GALNTL6: variants seen among roughly 807,000 people sequenced by gnomAD.
GALNTL6 encodes polypeptide N-acetylgalactosaminyltransferase-like 6.
Under a neutral mutation model 73.7 loss-of-function variants are expected in GALNTL6, and 46 were observed. That is an observed-to-expected ratio of 0.62 (90% CI 0.49 to 0.80). The LOEUF is 0.80. Among genes scored for constraint, GALNTL6 ranks in the 30% least tolerant of loss-of-function variants. The pLI, the probability that GALNTL6 is intolerant of heterozygous loss-of-function variation, is 0.00. For missense variants in GALNTL6, 604 were observed against 755.0 expected (o/e 0.80, Z 2.34); for synonymous variants, 259 against 263.7 (o/e 0.98, Z 0.17).
Position 171,814,398 on chromosome 4 carries a change from C to T in GALNTL6, c.-169-14C>T, listed in dbSNP as rs1332813792. 4.9e-6 allele frequency: 3 copies of T among 614,262 alleles called. No individual in the cohort carries two copies. Among genetic ancestry groups the T allele is most frequent in the Middle Eastern group, 4.3e-4 (1 of 2,340 alleles). 38.1% of individuals were successfully genotyped at this position (614,262 alleles called of 1,614,324 possible). A position where few individuals can be genotyped will look rare whatever the true frequency, so the allele number is the denominator to read the frequency against. On this transcript the variant is annotated splice_polypyrimidine_tract_variant and intron_variant, in intron 1 of 12. Transcript: ENST00000506823. ...GTTTTCTGGGGGGAAAGTAACTGTG[C>T]GTTTGTTCTGCAGATGGCCAACTCC... is the stretch of plus-strand genomic sequence containing the variant.
At chr4:172,812,409 G>A (rs768523951) in intron 6 of GALNTL6, among the ~76,000 whole-genome samples, 17 of 152,088 alleles carry the variant, frequency 1.1e-4, no homozygotes, top group Non-Finnish European at 2.4e-4. Flanking sequence ...AAGGTCTTCC[G>A]AATAACAAGA....
chr4:172,322,332 C>G (rs1207002033), intron 4 of GALNTL6, among the ~76,000 whole-genome samples: 1 of 152,094 alleles, frequency 6.6e-6, no homozygotes, highest in Non-Finnish European at 1.5e-5. Flanking sequence ...CTACCTTATG[C>G]CCCCTCAGTC....
intron 5 of GALNTL6, among the ~76,000 whole-genome samples, chr4:172,617,098 G>A (rs1035581891): frequency 6.6e-6 from 1 of 151,704 alleles, no homozygotes; most frequent in South Asian, 2.1e-4. Flanking sequence ...TTTTCTGGAC[G>A]GCTTCTCCTG....
intron 8 of GALNTL6, among the ~76,000 whole-genome samples, chr4:172,915,556 T>C (rs575204901): frequency 1.6e-4 from 25 of 152,148 alleles, no homozygotes; most frequent in Non-Finnish European, 3.4e-4. Context: ...TAAAAAATGA[T>C]GAAGGGGATA....
intron 3 of GALNTL6, among the ~76,000 whole-genome samples, chr4:172,306,052 G>C (rs1740125427): frequency 6.6e-6 from 1 of 152,166 alleles, no homozygotes; most frequent in East Asian, 1.9e-4. Flanking sequence ...AAGAAGCTTT[G>C]GGTGGATGTA....
intron 5 of GALNTL6, among the ~76,000 whole-genome samples, chr4:172,787,022 A>C (rs1035918519): frequency 2.6e-5 from 4 of 152,212 alleles, no homozygotes; most frequent in African/African-American, 9.6e-5. Context: ...AGGACTTTCT[A>C]TTCTAGGCTG....
rs151169322 is a variant in GALNTL6, at chr4:172,701,611, G to A, written c.554-107750G>A. The stretch of plus-strand genomic sequence containing the variant: ...TACACTTTAGCTATGCTAGGGGCTG[G>A]TGGCGATTTCTAGTTATAATCGGAA... On this transcript the variant is annotated intron_variant, in intron 5 of 12. Transcript: ENST00000506823. 5.1e-3 allele frequency among the ~76,000 whole-genome samples: 776 copies of A among 152,174 alleles called. 8 individuals are homozygous for A. The highest frequency in any genetic ancestry group is 0.018 in the African/African-American group (745 of 41,536).
At chr4:172,330,825 G>A (rs1741098658) in intron 4 of GALNTL6, among the ~76,000 whole-genome samples, 1 of 152,072 alleles carries the variant, frequency 6.6e-6, no homozygotes, top group African/African-American at 2.4e-5. Flanking sequence ...GCCTCTTGAA[G>A]TTGACCCCTT....
chr4:172,006,172 G>A (rs1579051875), intron 2 of GALNTL6, among the ~76,000 whole-genome samples: 1 of 152,262 alleles, frequency 6.6e-6, no homozygotes, highest in East Asian at 1.9e-4. Flanking sequence ...TTCTACAGAG[G>A]ACACGATTGA....
intron 5 of GALNTL6, among the ~76,000 whole-genome samples, chr4:172,472,674 C>T (rs775001406): frequency 1.3e-5 from 2 of 151,944 alleles, no homozygotes; most frequent in Admixed American, 6.6e-5. Context: ...GAAGACTATG[C>T]GAAGACTCAG....
At chr4:172,538,676 A>T (rs1006067384) in intron 5 of GALNTL6, among the ~76,000 whole-genome samples, 1 of 152,216 alleles carries the variant, frequency 6.6e-6, no homozygotes, top group Non-Finnish European at 1.5e-5. Flanking sequence ...GATGAAAAAA[A>T]CTTCAAATAG....
intron 2 of GALNTL6, among the ~76,000 whole-genome samples, chr4:171,865,146 CA>C (rs767713398): frequency 8.9e-4 from 119 of 133,942 alleles, no homozygotes; most frequent in Non-Finnish European, 8.6e-4. Flanking sequence ...AACTCTGTCT[CA>C]AAAAAAAAAA....
At chr4:172,834,743 A>G (rs1377750641) in intron 7 of GALNTL6, among the ~76,000 whole-genome samples, 2 of 152,226 alleles carry the variant, frequency 1.3e-5, no homozygotes, top group African/African-American at 4.8e-5. Context: ...CCAGCTAATC[A>G]AATGGCCATT....
chr4:172,493,561 G>T (rs1046275882), intron 5 of GALNTL6, among the ~76,000 whole-genome samples: 1 of 151,994 alleles, frequency 6.6e-6, no homozygotes, highest in Non-Finnish European at 1.5e-5. Flanking sequence ...AGGTTTAACC[G>T]ACAAAAATGT....
At chr4:172,009,883 T>A (rs1334341126) in intron 2 of GALNTL6, among the ~76,000 whole-genome samples, 2 of 152,116 alleles carry the variant, frequency 1.3e-5, no homozygotes, top group Non-Finnish European at 2.9e-5. Flanking sequence ...CACAAACCAA[T>A]GTAGATATTA....
intron 2 of GALNTL6, among the ~76,000 whole-genome samples, chr4:171,965,018 T>C (rs1382492441): frequency 6.6e-6 from 1 of 152,246 alleles, no homozygotes; most frequent in Non-Finnish European, 1.5e-5. Context: ...TTCTTTTTAA[T>C]AAATTTCCTG....
chr4:172,808,882 A>C (rs1389987833), intron 5 of GALNTL6, among the ~76,000 whole-genome samples: 1 of 152,150 alleles, frequency 6.6e-6, no homozygotes, highest in Non-Finnish European at 1.5e-5. Flanking sequence ...TGGGGGAAAA[A>C]ATCTGTTTGG....
At chr4:172,625,965 G>T (rs1470179532) in intron 5 of GALNTL6, among the ~76,000 whole-genome samples, 1 of 152,032 alleles carries the variant, frequency 6.6e-6, no homozygotes, top group Admixed American at 6.6e-5. Context: ...CCACTCTGTA[G>T]GTTGTCTGTT....
intron 7 of GALNTL6, among the ~76,000 whole-genome samples, chr4:172,822,905 C>T (rs910760688): frequency 2.0e-4 from 30 of 152,138 alleles, no homozygotes; most frequent in Admixed American, 1.7e-3. Context: ...CCTTCCCTAC[C>T]CTTAAGATGT....
Sources: gnomAD v4.1 joint callset for allele counts (sites outside exome capture counted in the v4.1 genomes callset) on GRCh38, gnomAD v4.1.1 for gene constraint, MANE v1.5 for transcripts, NCBI Gene and HGNC (gene_info 2026-07-23, HGNC 2026-07-21) for gene names.